The following MPI variants were observed in gnomAD, a reference collection of about 807,000 sequenced individuals.
MPI encodes mannose phosphate isomerase.
In MPI, 33 loss-of-function variants were observed where a neutral mutation model predicts 40.1. The observed-to-expected ratio is 0.82, with a 90% CI of 0.62 to 1.10. The LOEUF (loss-of-function observed/expected upper bound fraction) is 1.10. Ranked by LOEUF, MPI falls within the 50% of genes least tolerant of loss-of-function variation. MPI has a pLI of 0.00. For missense variants in MPI, 514 were observed against 524.1 expected, an observed-to-expected ratio of 0.98 and a Z score of 0.19; for synonymous variants, 187 against 207.4, an observed-to-expected ratio of 0.90 and a Z score of 0.85.
At chr15:74,893,952 C>G (rs1437794803) in intron 5 of MPI, among the ~76,000 whole-genome samples, 5 of 142,538 alleles carry the variant, frequency 3.5e-5, no homozygotes, top group Admixed American at 2.8e-4. Flanking sequence ...GCCCAGAGCT[C>G]TCTTTTTATT....
chr15:74,890,488 G>A (rs1487586626), intron 1 of MPI, 39 bp from the exon 2 acceptor site: 1 of 1,613,480 alleles, frequency 6.2e-7, no homozygotes, highest in Non-Finnish European at 8.5e-7. Flanking sequence ...GGTGGGGCCT[G>A]AGGAGTGGAG....
rs2064880850 is a variant in MPI, at chr15:74,899,792, T to A, written c.*2062T>A. On this transcript the variant is annotated 3_prime_UTR_variant, in exon 8 of 8. Transcript: ENST00000352410. ...CGCCTGCCACCACACCCAGCTAAGT[T>A]TTTGTATTTTTAGTAGAGACGGGGT... is the stretch of plus-strand genomic sequence containing the variant. 2 of 152,094 alleles carry A rather than the reference T, an allele frequency of 1.3e-5. No homozygotes were observed. The highest frequency in any genetic ancestry group is 1.3e-4 in the Admixed American group (2 of 15,262). The allele number at this position is 152,094 out of a possible 1,614,324, so 9.4% of individuals were successfully genotyped here.
Position 74,898,137 on chromosome 15 carries a change from C to T in MPI, c.*407C>T, listed in dbSNP as rs2064851709. On this transcript the variant is annotated 3_prime_UTR_variant, in exon 8 of 8. Transcript: ENST00000352410. Reference sequence around the variant, plus strand: ...GCGATGGGACTGCCCATTTCCTCAGCTGCAGAGGAGGAAAGGGAAAGGGTA... The same window carrying T: ...GCGATGGGACTGCCCATTTCCTCAGTTGCAGAGGAGGAAAGGGAAAGGGTA... The T allele has an allele frequency of 2.8e-6, 1 of 351,752 alleles. No homozygotes were observed. Among genetic ancestry groups the T allele is most frequent in the South Asian group, 2.3e-5 (1 of 44,020 alleles). 21.8% of individuals were successfully genotyped at this position (351,752 alleles called of 1,614,324 possible). A position where few individuals can be genotyped will look rare whatever the true frequency, so the allele number is the denominator to read the frequency against.
rs2064850735 is a variant in MPI at position 74,898,072 on chromosome 15, C to CA, written c.*343dup. On this transcript the variant is annotated 3_prime_UTR_variant, in exon 8 of 8. Transcript: ENST00000352410. ...GACCCAGCATTAGCTCAGCATCTGT[C>CA]AGAGCAAGAGACCAGGTAATTTCTA... 2.5e-6 allele frequency: 1 copy of CA among 395,058 alleles called. No homozygotes were observed. The highest frequency in any genetic ancestry group is 2.1e-5 in the African/African-American group (1 of 48,454). 24.5% of individuals were successfully genotyped at this position (395,058 alleles called of 1,614,324 possible). A position where few individuals can be genotyped will look rare whatever the true frequency, so the allele number is the denominator to read the frequency against.
rs906673237 is a variant in MPI at position 74,899,003 on chromosome 15, T to C, written c.*1273T>C. 2.0e-5 allele frequency: 3 copies of C among 152,240 alleles called. No individual in the cohort carries two copies. Among genetic ancestry groups the C allele is most frequent in the African/African-American group, 4.8e-5 (2 of 41,458 alleles). 9.4% of individuals were successfully genotyped at this position (152,240 alleles called of 1,614,324 possible). On this transcript the variant is annotated 3_prime_UTR_variant, in exon 8 of 8. Coordinates refer to ENST00000352410, the MANE Select transcript of MPI (RefSeq NM_002435.3). ...TGTACGGCCTGCAAAACTGAAACCA[T>C]TGACTGTCAACCACTTCTCTACAAC...
At position 74,898,066 on chromosome 15, in the gene MPI, A is replaced by G; in HGVS notation, c.*336A>G. On this transcript the variant is annotated 3_prime_UTR_variant, in exon 8 of 8. Transcript: ENST00000352410. Reference sequence around the variant, plus strand: ...ATATGTGACCCAGCATTAGCTCAGCATCTGTCAGAGCAAGAGACCAGGTAA... The same window carrying G: ...ATATGTGACCCAGCATTAGCTCAGCGTCTGTCAGAGCAAGAGACCAGGTAA... The G allele has an allele frequency of 2.5e-6, 1 of 402,082 alleles. No individual in the cohort carries two copies. The highest frequency in any genetic ancestry group is 2.1e-5 in the South Asian group (1 of 47,534). 24.9% of individuals were successfully genotyped at this position (402,082 alleles called of 1,614,324 possible).
intron 5 of MPI, 160 bp from the exon 6 acceptor site, chr15:74,895,992 G>C (rs571009969): frequency 3.0e-5 from 22 of 721,748 alleles, no homozygotes; most frequent in South Asian, 2.0e-4. Context: ...AGCAAGGCTC[G>C]ACCCCCAAAG....
rs2064959168 is a variant in MPI at position 74,901,554 on chromosome 15, A to C, written c.*3824A>C. The C allele has an allele frequency of 6.6e-6, 1 of 152,108 alleles. No individual in the cohort carries two copies. The highest frequency in any genetic ancestry group is 1.5e-5 in the Non-Finnish European group (1 of 68,074). The allele number at this position is 152,108 out of a possible 1,614,324, so 9.4% of individuals were successfully genotyped here. ...CTGGCAATAGAATGGTCCATGCTGG[A>C]GTGAAGGGAGGCCCTCTACACTGGT... On this transcript the variant is annotated 3_prime_UTR_variant, in exon 8 of 8. Transcript: ENST00000352410.
intron 3 of MPI, 113 bp from the exon 4 acceptor site, chr15:74,892,548 A>G (rs2064742643): frequency 6.8e-7 from 1 of 1,466,950 alleles, no homozygotes; most frequent in Non-Finnish European, 9.4e-7. Context: ...GTAGGTAGTC[A>G]CTGCCATCCT....
chr15:74,898,043 A>C lies in MPI; in HGVS notation c.*313A>C. 1 of 429,034 alleles carries C rather than the reference A, an allele frequency of 2.3e-6. No homozygotes were observed. The highest frequency in any genetic ancestry group is 4.4e-6 in the Non-Finnish European group (1 of 226,952). The allele number at this position is 429,034 out of a possible 1,614,324, so 26.6% of individuals were successfully genotyped here. A position where few individuals can be genotyped will look rare whatever the true frequency, so the allele number is the denominator to read the frequency against. The stretch of plus-strand genomic sequence containing the variant: ...TATGGCTTTAGGCTAGCTGTTAAAT[A>C]TGTGACCCAGCATTAGCTCAGCATC... On this transcript the variant is annotated 3_prime_UTR_variant, in exon 8 of 8. Coordinates refer to ENST00000352410, the MANE Select transcript of MPI (RefSeq NM_002435.3).
chr15:74,892,556 C>A, intron 3 of MPI, 105 bp from the exon 4 acceptor site: 2 of 1,521,320 alleles, frequency 1.3e-6, no homozygotes, highest in African/African-American at 1.4e-5. Context: ...TCACTGCCAT[C>A]CTGCAACTGG....
In MPI at chr15:74,896,141, G is replaced by C; in HGVS notation, c.671-11G>C. Reference sequence around the variant, plus strand: ...CCCCTAAGTGACCTTGGGGTGCTCTGTGACCCTCAGCGGCTGCCGGAAACA... The same window carrying C: ...CCCCTAAGTGACCTTGGGGTGCTCTCTGACCCTCAGCGGCTGCCGGAAACA... On this transcript the variant is annotated splice_polypyrimidine_tract_variant and intron_variant, in intron 5 of 7. Coordinates refer to ENST00000352410, the MANE Select transcript of MPI (RefSeq NM_002435.3). The C allele has an allele frequency of 1.2e-6, 2 of 1,613,892 alleles. No individual in the cohort carries two copies. The highest frequency in any genetic ancestry group is 1.7e-6 in the Non-Finnish European group (2 of 1,180,000).
In MPI at chr15:74,897,789, C is replaced by A; in HGVS notation, c.*59C>A. The A allele has an allele frequency of 6.6e-7, 1 of 1,522,874 alleles. No homozygotes were observed. Among genetic ancestry groups the A allele is most frequent in the East Asian group, 2.3e-5 (1 of 44,336 alleles). The allele number at this position is 1,522,874 out of a possible 1,614,324, so 94.3% of individuals were successfully genotyped here. A position where few individuals can be genotyped will look rare whatever the true frequency, so the allele number is the denominator to read the frequency against. On this transcript the variant is annotated 3_prime_UTR_variant, in exon 8 of 8. Transcript: ENST00000352410. Reference sequence around the variant, plus strand: ...CACCCTAAATTCCAGCCAACCTCACCTCCTCGGGCCCAGCTCAAGCCCCCT... The same window carrying A: ...CACCCTAAATTCCAGCCAACCTCACATCCTCGGGCCCAGCTCAAGCCCCCT...
At chr15:74,895,839 A>G (rs1182801096) in intron 5 of MPI, 1 of 396,170 alleles carries the variant, frequency 2.5e-6, no homozygotes, top group Admixed American at 3.7e-5. Context: ...AGAATTACCT[A>G]GCCCAAATGT....
intron 6 of MPI, 57 bp downstream of exon 6, chr15:74,896,382 T>G (rs1048552181): frequency 6.3e-7 from 1 of 1,598,984 alleles, no homozygotes; most frequent in Non-Finnish European, 8.6e-7. Context: ...CCTGTTTCCC[T>G]ATCTGGACAA....
At chr15:74,896,739 C>T (rs2064823859) in intron 6 of MPI, 6 of 614,336 alleles carry the variant, frequency 9.8e-6, no homozygotes, top group Admixed American at 2.7e-5. Flanking sequence ...CCACACATGC[C>T]TCATGCACAG....
rs1567270109 is a variant in MPI at position 74,897,780 on chromosome 15, C to G, written c.*50C>G. On this transcript the variant is annotated 3_prime_UTR_variant, in exon 8 of 8. Transcript: ENST00000352410. ...TCTGCCAGCCACCCTAAATTCCAGCCAACCTCACCTCCTCGGGCCCAGCTC... is the reference window on the plus strand; with the variant it reads ...TCTGCCAGCCACCCTAAATTCCAGCGAACCTCACCTCCTCGGGCCCAGCTC... 1 of 1,565,676 alleles carries G rather than the reference C, an allele frequency of 6.4e-7. No individual in the cohort carries two copies.
intron 7 of MPI, 95 bp downstream of exon 7, chr15:74,897,314 C>T: frequency 6.7e-7 from 1 of 1,494,474 alleles, no homozygotes; most frequent in Non-Finnish European, 9.3e-7. Context: ...GGTTTCCTGT[C>T]AAGCCCACTT....
intron 1 of MPI, 180 bp downstream of exon 1, chr15:74,890,269 A>C: frequency 1.0e-6 from 1 of 983,252 alleles, no homozygotes; most frequent in Non-Finnish European, 1.6e-6. Flanking sequence ...GGGCCCTTCT[A>C]GACGTCGTGC....
Sources: gnomAD v4.1 joint callset for allele counts (sites outside exome capture counted in the v4.1 genomes callset) on GRCh38, gnomAD v4.1.1 for gene constraint, MANE v1.5 for transcripts, NCBI Gene and HGNC (gene_info 2026-07-23, HGNC 2026-07-21) for gene names.